The following OSBPL5 variants were observed in gnomAD, a reference collection of about 807,000 sequenced individuals.
OSBPL5 encodes the protein oxysterol binding protein like 5.
In OSBPL5, 71 loss-of-function variants were observed where a neutral mutation model predicts 111.2. The ratio of observed to expected loss-of-function variants is 0.64; its 90% CI spans 0.53 to 0.78. OSBPL5 has a LOEUF of 0.78. Ranked by LOEUF, OSBPL5 falls within the 30% of genes least tolerant of loss-of-function variation. The pLI is 0.00. For synonymous variants in OSBPL5, 549 were observed against 513.9 expected, an observed-to-expected ratio of 1.07 and a Z score of -0.93; for missense variants, 1,210 against 1,189.3, an observed-to-expected ratio of 1.02 and a Z score of -0.26.
chr11:3,114,653 C>T (rs1034194734), intron 7 of OSBPL5, among the ~76,000 whole-genome samples: 1 of 125,942 alleles, frequency 7.9e-6, no homozygotes, highest in Non-Finnish European at 1.6e-5. Context: ...GGCTGGAGTG[C>T]AGTGGCGTGA....
chr11:3,154,606 T>C lies in OSBPL5; in HGVS notation c.-22+10610A>G, dbSNP rs993266965. ...TCAAAATCTTACTCCGGGCAAATGCTGGGCCCTCACAGGGGATAAAAACAG... is the reference window on the plus strand; with the variant it reads ...TCAAAATCTTACTCCGGGCAAATGCCGGGCCCTCACAGGGGATAAAAACAG... On this transcript the variant is annotated intron_variant, in intron 1 of 21. Coordinates refer to ENST00000263650, the MANE Select transcript of OSBPL5 (RefSeq NM_020896.4). This position sits in a 1 kb window ranked among gnomAD's most constrained non-coding sequence, Gnocchi z 4.9. 1.1e-4 allele frequency among the ~76,000 whole-genome samples: 16 copies of C among 152,294 alleles called. 1 individual carries two copies. Among genetic ancestry groups the C allele is most frequent in the African/African-American group, 3.4e-4 (14 of 41,560 alleles).
chr11:3,131,814 C>CATCT (rs1443167559), intron 1 of OSBPL5, among the ~76,000 whole-genome samples: 1 of 147,602 alleles, frequency 6.8e-6, no homozygotes, highest in African/African-American at 2.6e-5. Context: ...TTCATCCATC[C>CATCT]ATCCATCCAT....
intron 1 of OSBPL5, among the ~76,000 whole-genome samples, chr11:3,149,735 A>G (rs1457942149): frequency 1.3e-5 from 2 of 152,088 alleles, no homozygotes; most frequent in African/African-American, 2.4e-5. Flanking sequence ...CTCTTTGATC[A>G]TCAAACGACC....
At chr11:3,148,097 C>A (rs900377456) in intron 1 of OSBPL5, among the ~76,000 whole-genome samples, 1 of 152,190 alleles carries the variant, frequency 6.6e-6, no homozygotes, top group Non-Finnish European at 1.5e-5. Context: ...CCCCAGTGCC[C>A]GAACATGGAG....
chr11:3,104,265 G>C lies in OSBPL5; in HGVS notation c.1172C>G (p.Thr391Arg), dbSNP rs756769893. 6.2e-7 allele frequency: 1 copy of C among 1,613,812 alleles called. No individual in the cohort carries two copies. Among genetic ancestry groups the C allele is most frequent in the South Asian group, 1.1e-5 (1 of 91,086 alleles). ...GMDLSRVVLP[T>R]FVLEPRSFLN... The stretch of plus-strand genomic sequence containing the variant: ...GAAGGAGCGCGGCTCCAGTACGAAC[G>C]TGGGTAGCACCACGCGGGACAGGTC... The change falls in exon 10 of 22, where the codon ACG (threonine) becomes AGG (arginine). Residue 391 changes from threonine to arginine, a missense_variant. Coordinates refer to ENST00000263650, the MANE Select transcript of OSBPL5 (RefSeq NM_020896.4). The surrounding 1 kb of genome is among the most constrained non-coding windows in gnomAD (Gnocchi z 5.0).
chr11:3,157,450 T>C (rs1846808902), intron 1 of OSBPL5, among the ~76,000 whole-genome samples: 1 of 152,150 alleles, frequency 6.6e-6, no homozygotes, highest in Non-Finnish European at 1.5e-5. Flanking sequence ...AGATGTCTGG[T>C]GTCCCACTGG....
At chr11:3,114,944 G>A in intron 7 of OSBPL5, among the ~76,000 whole-genome samples, 1 of 152,026 alleles carries the variant, frequency 6.6e-6, no homozygotes, top group East Asian at 1.9e-4. Flanking sequence ...TCAATTATAA[G>A]ATATTTTAAT....
In OSBPL5 at chr11:3,104,738, C is replaced by T. The variant is rs1857637403; in HGVS notation, c.1060-361G>A. 2.0e-5 allele frequency among the ~76,000 whole-genome samples: 3 copies of T among 152,220 alleles called. No homozygotes were observed. In the South Asian group the frequency reaches 6.2e-4, roughly 31 times the overall value. The stretch of plus-strand genomic sequence containing the variant: ...ACCCTGGGCCCAGGGAACAGAGAGA[C>T]TGCAGCCCACCCTGTCTTCACAGCT... On this transcript the variant is annotated intron_variant, in intron 9 of 21. Coordinates refer to ENST00000263650, the MANE Select transcript of OSBPL5 (RefSeq NM_020896.4). The surrounding 1 kb of genome is among the most constrained non-coding windows in gnomAD (Gnocchi z 5.0).
In OSBPL5 at chr11:3,104,761, G is replaced by C. The variant is rs1032959346; in HGVS notation, c.1060-384C>G. 7.9e-5 allele frequency among the ~76,000 whole-genome samples: 12 copies of C among 152,208 alleles called. No homozygotes were observed. The highest frequency in any genetic ancestry group is 1.2e-4 in the Non-Finnish European group (8 of 68,018). ...GACTGCAGCCCACCCTGTCTTCACA[G>C]CTGCCAGGGGAGGCAGGGATTTGGC... On this transcript the variant is annotated intron_variant, in intron 9 of 21. Transcript: ENST00000263650. This position sits in a 1 kb window ranked among gnomAD's most constrained non-coding sequence, Gnocchi z 5.0.
Position 3,101,491 on chromosome 11 carries a change from G to C in OSBPL5, c.1522+112C>G, listed in dbSNP as rs150175042. ...CATGGTCTCTGACTAGGAGGGGTTG[G>C]GAGGGACAGGCACATGGCCCCCATC... is the stretch of plus-strand genomic sequence containing the variant. On this transcript the variant is annotated intron_variant, in intron 13 of 21. Coordinates refer to ENST00000263650, the MANE Select transcript of OSBPL5 (RefSeq NM_020896.4). 4.2e-3 allele frequency: 4,165 copies of C among 996,124 alleles called. 14 individuals carry two copies. Among genetic ancestry groups the C allele is most frequent in the Non-Finnish European group, 5.2e-3 (3,478 of 662,564 alleles). 61.7% of individuals were successfully genotyped at this position (996,124 alleles called of 1,614,324 possible). A position where few individuals can be genotyped will look rare whatever the true frequency, so the allele number is the denominator to read the frequency against.
At chr11:3,131,542 TCCATCCAC>T (rs1564849755) in intron 1 of OSBPL5, among the ~76,000 whole-genome samples, 1 of 134,024 alleles carries the variant, frequency 7.5e-6, no homozygotes, top group Non-Finnish European at 1.6e-5. Flanking sequence ...CATCCATCCA[TCCATCCAC>T]CCACCCATTC....
chr11:3,099,911 A>T (rs896631623), intron 14 of OSBPL5, among the ~76,000 whole-genome samples: 11 of 151,944 alleles, frequency 7.2e-5, no homozygotes, highest in Non-Finnish European at 2.9e-5. Context: ...TCTACTAAAA[A>T]TACAAAATTA....
At chr11:3,093,941 GC>G in intron 15 of OSBPL5, 106 bp from the exon 16 acceptor site, 1 of 1,374,240 alleles carries the variant, frequency 7.3e-7, no homozygotes, top group Non-Finnish European at 9.9e-7. Flanking sequence ...GTGCCTGGGA[GC>G]CCAGGAGGGA....
At chr11:3,115,761 G>T (rs1425241060) in intron 7 of OSBPL5, among the ~76,000 whole-genome samples, 1 of 152,098 alleles carries the variant, frequency 6.6e-6, no homozygotes, top group African/African-American at 2.4e-5. Flanking sequence ...TGATCAAGAT[G>T]AAAATTTTAT....
intron 7 of OSBPL5, among the ~76,000 whole-genome samples, chr11:3,108,548 C>T (rs10833254): frequency 0.38 from 57,831 of 152,006 alleles, 12,954 homozygotes; most frequent in East Asian, 0.79. Context: ...CTGTGGGCAG[C>T]GGTGGAGCAG....
At position 3,126,414 on chromosome 11, in the gene OSBPL5, T is replaced by A; in HGVS notation, c.219+59A>T. 6.9e-7 allele frequency: 1 copy of A among 1,457,652 alleles called. No individual in the cohort carries two copies. Among genetic ancestry groups the A allele is most frequent in the Non-Finnish European group, 9.2e-7 (1 of 1,092,498 alleles). The allele number at this position is 1,457,652 out of a possible 1,614,324, so 90.3% of individuals were successfully genotyped here. A position where few individuals can be genotyped will look rare whatever the true frequency, so the allele number is the denominator to read the frequency against. ...CCTGCTGTCCTTTTCCCCAGCCGTT[T>A]CCTGCTGTCCCCAGAGCCAGGCTCT... On this transcript the variant is annotated intron_variant, in intron 3 of 21. Coordinates refer to ENST00000263650, the MANE Select transcript of OSBPL5 (RefSeq NM_020896.4). This position sits in a 1 kb window ranked among gnomAD's most constrained non-coding sequence, Gnocchi z 6.5.
Position 3,130,389 on chromosome 11 carries a change from A to G in OSBPL5, c.-21-1220T>C, listed in dbSNP as rs1193620476. ...CGGGACAAAGGCCTCGATTTCTCCC[A>G]TGGTCCTGGGCTTTGCTGGGGGGGG... is the stretch of plus-strand genomic sequence containing the variant. On this transcript the variant is annotated intron_variant, in intron 1 of 21. Coordinates refer to ENST00000263650, the MANE Select transcript of OSBPL5 (RefSeq NM_020896.4). This position sits in a 1 kb window ranked among gnomAD's most constrained non-coding sequence, Gnocchi z 4.5. Among the ~76,000 whole-genome samples, 1 of 151,768 alleles carries G rather than the reference A, an allele frequency of 6.6e-6. No homozygotes were observed. Among genetic ancestry groups the G allele is most frequent in the Non-Finnish European group, 1.5e-5 (1 of 67,852 alleles).
At position 3,106,341 on chromosome 11, in the gene OSBPL5, C is replaced by T. The variant is rs570136901; in HGVS notation, c.1059+922G>A. 4.6e-5 allele frequency among the ~76,000 whole-genome samples: 7 copies of T among 152,264 alleles called. No homozygotes were observed. Among genetic ancestry groups the T allele is most frequent in the South Asian group, 2.1e-4 (1 of 4,826 alleles). ...GACAGCCACGGCCTTGCTCTTGTCTCGCCTCCCGGGTGAGAATGACAAGAT... is the reference window on the plus strand; with the variant it reads ...GACAGCCACGGCCTTGCTCTTGTCTTGCCTCCCGGGTGAGAATGACAAGAT... On this transcript the variant is annotated intron_variant, in intron 9 of 21. Transcript: ENST00000263650. The surrounding 1 kb of genome is among the most constrained non-coding windows in gnomAD (Gnocchi z 8.4).
Position 3,107,449 on chromosome 11 carries a change from G to T in OSBPL5, c.873C>A (p.Asn291Lys), listed in dbSNP as rs776878132. Residue 291 changes from asparagine (N) to lysine (K), a missense_variant, in exon 9 of 22, where the codon AAC becomes AAA. By Grantham distance (94) the Asn-to-Lys change is moderately conservative (BLOSUM62 0). Transcript: ENST00000263650. The surrounding 1 kb of genome is among the most constrained non-coding windows in gnomAD (Gnocchi z 6.1). ...VHPDQDLFPL[N>K]GSSLENDAFS... ...ATGCATCGTTCTCCAGGGAAGACCC[G>T]TTCAGTCTGGAAGGTGGATGGTGCC... 1 of 1,613,906 alleles carries T rather than the reference G, an allele frequency of 6.2e-7. No individual in the cohort carries two copies. The highest frequency in any genetic ancestry group is 1.7e-5 in the Admixed American group (1 of 60,010).
Sources: allele counts gnomAD v4.1 joint callset (sites outside exome capture counted in the v4.1 genomes callset), GRCh38; gene constraint gnomAD v4.1.1; non-coding constraint Gnocchi (gnomAD v3.1); transcripts MANE v1.5; gene names NCBI Gene and HGNC (gene_info 2026-07-23, HGNC 2026-07-21).